MAML2: variants seen among roughly 807,000 people sequenced by gnomAD.
The protein encoded by MAML2 is mastermind like transcriptional coactivator 2.
Under a neutral mutation model 96.1 loss-of-function variants are expected in MAML2, and 22 were observed. The observed-to-expected ratio is 0.23, with a 90% confidence interval of 0.16 to 0.33. The LOEUF is 0.33. Ranked by LOEUF, MAML2 falls within the 10% of genes least tolerant of loss-of-function variation. The pLI is 1.00. For missense variants in MAML2, 1,367 were observed against 1,392.4 expected (o/e 0.98, Z 0.29); for synonymous variants, 561 against 521.3 (o/e 1.08, Z -1.04).
At chr11:96,015,381 C>G (rs75214231) in intron 2 of MAML2, among the ~76,000 whole-genome samples, 7,382 of 152,074 alleles carry the variant, frequency 0.049, 493 homozygotes, top group African/African-American at 0.15. Flanking sequence ...GTGCCCAATT[C>G]CCAGGGTAGC....
At chr11:96,169,693 T>C (rs1372798270) in intron 1 of MAML2, among the ~76,000 whole-genome samples, 1 of 149,338 alleles carries the variant, frequency 6.7e-6, no homozygotes, top group Non-Finnish European at 1.5e-5. Flanking sequence ...TCTAGCTCTG[T>C]CACTAGGCTG....
intron 2 of MAML2, among the ~76,000 whole-genome samples, chr11:96,064,365 C>G (rs1859213502): frequency 6.6e-6 from 1 of 152,180 alleles, no homozygotes; most frequent in Non-Finnish European, 1.5e-5. Flanking sequence ...AGAAAATATT[C>G]ATTAGACAAG....
intron 1 of MAML2, among the ~76,000 whole-genome samples, chr11:96,159,251 G>A (rs1861059299): frequency 1.3e-5 from 2 of 151,952 alleles, no homozygotes; most frequent in African/African-American, 2.4e-5. Flanking sequence ...CAAATGGCTT[G>A]CCATCCACTG....
At chr11:96,312,075 C>T (rs114542414) in intron 1 of MAML2, among the ~76,000 whole-genome samples, 4,604 of 151,822 alleles carry the variant, frequency 0.03, 120 homozygotes, top group South Asian at 0.16. Context: ...AAAAATTAAC[C>T]GGGCATGATA....
At chr11:96,225,403 A>G (rs1483270577) in intron 1 of MAML2, among the ~76,000 whole-genome samples, 3 of 152,202 alleles carry the variant, frequency 2.0e-5, no homozygotes, top group Admixed American at 6.5e-5. Context: ...TGATAGCCCC[A>G]GCATACAGCT....
rs375828719 is a variant in MAML2, at chr11:96,287,684, G to A, written c.513+53699C>T. ...TCTAGCGTTAAGTAGATTGTTCTAC[G>A]GTAATTGAACTACAAAACAAAATCA... On this transcript the variant is annotated intron_variant, in intron 1 of 4. Transcript: ENST00000524717. Among the ~76,000 whole-genome samples the A allele has an allele frequency of 5.9e-5, 9 of 152,192 alleles. No homozygotes were observed. In the South Asian group the frequency reaches 1.9e-3, roughly 32 times the overall value.
chr11:96,182,791 T>C (rs908277934), intron 1 of MAML2, among the ~76,000 whole-genome samples: 5 of 152,132 alleles, frequency 3.3e-5, no homozygotes, highest in African/African-American at 1.2e-4. Flanking sequence ...TTCAACATGC[T>C]CCTTGTCAAG....
At chr11:96,080,346 A>G (rs1301196748) in intron 2 of MAML2, among the ~76,000 whole-genome samples, 1 of 152,192 alleles carries the variant, frequency 6.6e-6, no homozygotes, top group East Asian at 1.9e-4. Flanking sequence ...TCCTCCTGAG[A>G]CTGAAAAGAG....
rs1293586356 is a variant in MAML2 at position 96,007,168 on chromosome 11, A to G, written c.2140-15445T>C. ...CAGGAGCGTACCACCATGTCCAGTT[A>G]ATTTTTTTTTTTTTTTTGTATTTTA... On this transcript the variant is annotated intron_variant, in intron 2 of 4. Transcript: ENST00000524717. Among the ~76,000 whole-genome samples, 582 of 134,426 alleles carry G rather than the reference A, an allele frequency of 4.3e-3. 5 individuals are homozygous for G. The highest frequency in any genetic ancestry group is 0.04 in the South Asian group (184 of 4,626). 88.2% of individuals were successfully genotyped at this position (134,426 alleles called of 152,430 possible).
intron 1 of MAML2, among the ~76,000 whole-genome samples, chr11:96,118,305 G>A (rs1037505538): frequency 5.3e-5 from 8 of 151,954 alleles, no homozygotes; most frequent in Non-Finnish European, 2.9e-5. Flanking sequence ...TGTAATCATT[G>A]TAATCCCCAT....
At chr11:96,310,186 T>A (rs1443100550) in intron 1 of MAML2, among the ~76,000 whole-genome samples, 1 of 152,134 alleles carries the variant, frequency 6.6e-6, no homozygotes, top group Non-Finnish European at 1.5e-5. Context: ...CAAAGAAGCC[T>A]ACTATAAAAA....
intron 1 of MAML2, among the ~76,000 whole-genome samples, chr11:96,288,023 C>T (rs2135990095): frequency 6.6e-6 from 1 of 152,290 alleles, no homozygotes; most frequent in Non-Finnish European, 1.5e-5. Flanking sequence ...GATACACTTT[C>T]ACCATGTCAC....
chr11:96,239,209 A>G (rs576690812), intron 1 of MAML2, among the ~76,000 whole-genome samples: 230 of 152,334 alleles, frequency 1.5e-3, no homozygotes, highest in African/African-American at 5.4e-3. Context: ...AATGGCTGTT[A>G]TATAGTGTTA....
chr11:96,106,482 G>T (rs7938402), intron 1 of MAML2, among the ~76,000 whole-genome samples: 59,552 of 151,908 alleles, frequency 0.39, 12,697 homozygotes, highest in East Asian at 0.77. Context: ...ACTAACCTGG[G>T]CCTTGGGTAT....
At chr11:96,319,578 A>G (rs1021466100) in intron 1 of MAML2, among the ~76,000 whole-genome samples, 5 of 152,216 alleles carry the variant, frequency 3.3e-5, no homozygotes, top group African/African-American at 7.2e-5. Flanking sequence ...TTTGAAACAC[A>G]AGATATATTT....
chr11:96,230,333 T>C (rs1862275360), intron 1 of MAML2, among the ~76,000 whole-genome samples: 1 of 152,232 alleles, frequency 6.6e-6, no homozygotes, highest in African/African-American at 2.4e-5. Context: ...TATTTGTATA[T>C]ATCTATATAT....
At chr11:96,001,993 T>A (rs1858085257) in intron 2 of MAML2, among the ~76,000 whole-genome samples, 1 of 152,194 alleles carries the variant, frequency 6.6e-6, no homozygotes, top group Non-Finnish European at 1.5e-5. Flanking sequence ...CAGGTGAACA[T>A]CCTTTTTTTC....
In MAML2 at chr11:95,979,613, ATTG is replaced by A; in HGVS notation, c.2803_2805del (p.Gln935del). On this transcript the variant is annotated inframe_deletion, in exon 5 of 5. Coordinates refer to ENST00000524717, the MANE Select transcript of MAML2 (RefSeq NM_032427.4). ...ATACTATGGGTTAAATTTGGTCTCA[ATTG>A]TTGTGAATTACCAACAGATCCAGCT... The A allele has an allele frequency of 1.2e-6, 2 of 1,613,840 alleles. No individual in the cohort carries two copies. Among genetic ancestry groups the A allele is most frequent in the Non-Finnish European group, 1.7e-6 (2 of 1,179,882 alleles).
chr11:96,202,055 C>A (rs568880168), intron 1 of MAML2, among the ~76,000 whole-genome samples: 1 of 145,236 alleles, frequency 6.9e-6, no homozygotes, highest in African/African-American at 2.5e-5. Flanking sequence ...ATGTTTCGGC[C>A]GGGCATGGTG....
Sources: gnomAD v4.1 joint callset for allele counts (sites outside exome capture counted in the v4.1 genomes callset) on GRCh38, gnomAD v4.1.1 for gene constraint, MANE v1.5 for transcripts, NCBI Gene and HGNC (gene_info 2026-07-23, HGNC 2026-07-21) for gene names.